GDA: variants seen among roughly 807,000 people sequenced by gnomAD.
The protein encoded by GDA is cytoplasmic PSD-95 interactor.
In GDA, 18 loss-of-function variants were observed where a neutral mutation model predicts 59.6. That is an observed-to-expected ratio of 0.30 (90% CI 0.21 to 0.45). The LOEUF is 0.45. Ranked by LOEUF, GDA falls within the 20% of genes least tolerant of loss-of-function variation. The probability of loss-of-function intolerance (pLI) is 1.00; values close to 1 mark genes in which losing one functional copy is unlikely to be tolerated. For synonymous variants in GDA, 201 were observed against 201.1 expected (o/e 1.00, Z 0.00); for missense variants, 427 against 552.3 (o/e 0.77, Z 2.27).
intron 1 of GDA, among the ~76,000 whole-genome samples, chr9:72,177,896 G>A (rs1830722926): frequency 6.6e-6 from 1 of 152,208 alleles, no homozygotes; most frequent in Admixed American, 6.5e-5. Context: ...TCTGACAGTG[G>A]CAGTGACCAC....
At chr9:72,243,842 C>G (rs945831694) in intron 11 of GDA, among the ~76,000 whole-genome samples, 3 of 152,108 alleles carry the variant, frequency 2.0e-5, no homozygotes, top group Non-Finnish European at 4.4e-5. Flanking sequence ...TCACATGAAA[C>G]TTTATCTTAG....
At position 72,138,399 on chromosome 9, in the gene GDA, G is replaced by A. The variant is rs148772086; in HGVS notation, c.-100+23566G>A. ...ATGATGGTGCTCCTGCTCTCTCAGGGAGCAGAACCGCTCTTAGTTGAAAAT... is the reference window on the plus strand; with the variant it reads ...ATGATGGTGCTCCTGCTCTCTCAGGAAGCAGAACCGCTCTTAGTTGAAAAT... On this transcript the variant is annotated intron_variant, in intron 1 of 13. Transcript: ENST00000545168. Among the ~76,000 whole-genome samples, 679 of 152,302 alleles carry A rather than the reference G, an allele frequency of 4.5e-3. 4 individuals are homozygous for A. Among genetic ancestry groups the A allele is most frequent in the Admixed American group, 7.6e-3 (117 of 15,302 alleles).
intron 3 of GDA, among the ~76,000 whole-genome samples, chr9:72,204,224 A>G (rs1160633770): frequency 1.3e-5 from 2 of 152,236 alleles, no homozygotes; most frequent in African/African-American, 4.8e-5. Context: ...GCTGAGAAGG[A>G]CTAAAGCTAT....
upstream of GDA, among the ~76,000 whole-genome samples, chr9:72,147,192 C>G (rs1826670799): frequency 6.6e-6 from 1 of 152,122 alleles, no homozygotes; most frequent in South Asian, 2.1e-4. Flanking sequence ...AGCATAGAAG[C>G]TGTTTTTTGT....
chr9:72,149,766 G>A lies in GDA; in HGVS notation c.123+84G>A, dbSNP rs183462646. ...TGGCGCGGTGCTTCGCGTAGCCCGG[G>A]GTTCGCTCGGTGCGCAGTGAGCGCC... is the stretch of plus-strand genomic sequence containing the variant. On this transcript the variant is annotated intron_variant, in intron 1 of 13. Transcript: ENST00000358399. 11 of 1,386,438 alleles carry A rather than the reference G, an allele frequency of 7.9e-6. No homozygotes were observed. The African/African-American group carries it at 1.7e-4, about 21-fold the overall frequency. 85.9% of individuals were successfully genotyped at this position (1,386,438 alleles called of 1,614,324 possible).
chr9:72,245,222 G>A lies in GDA; in HGVS notation c.1210G>A (p.Ala404Thr), dbSNP rs751625284. The change falls in exon 12 of 14, where the codon GCA (alanine) becomes ACA (threonine). Residue 404 changes from alanine to threonine, a missense_variant. Transcript: ENST00000358399. ...EFDAILINPK[A>T]SDSPIDLFYG... ...TGATGCCATCCTGATCAACCCCAAA[G>A]CATCCGACTCTCCCATTGACCTGTT... 5 of 1,612,242 alleles carry A rather than the reference G, an allele frequency of 3.1e-6. No individual in the cohort carries two copies. The highest frequency in any genetic ancestry group is 1.7e-5 in the Admixed American group (1 of 60,012).
upstream of GDA, among the ~76,000 whole-genome samples, chr9:72,147,401 T>C (rs940165938): frequency 1.6e-4 from 24 of 152,258 alleles, no homozygotes; most frequent in Non-Finnish European, 1.8e-4. Flanking sequence ...AGAGATGGGG[T>C]TTCACCATGT....
rs1279218324 is a variant in GDA, at chr9:72,165,897, CA to C, written c.123+16229del. Among the ~76,000 whole-genome samples the C allele has an allele frequency of 5.3e-3, 503 of 95,654 alleles. 2 individuals carry two copies. Among genetic ancestry groups the C allele is most frequent in the African/African-American group, 0.015 (381 of 26,136 alleles). The allele number at this position is 95,654 out of a possible 152,430, so 62.8% of individuals were successfully genotyped here. ...TGGGTGACAGAGCAAGACTCTGTCT[CA>C]AAAAAAAAAAAAACAACAAAAAATG... On this transcript the variant is annotated intron_variant, in intron 1 of 13. Coordinates refer to ENST00000358399, the MANE Select transcript of GDA (RefSeq NM_004293.5).
intron 1 of GDA, among the ~76,000 whole-genome samples, chr9:72,154,724 C>T (rs539246029): frequency 1.1e-4 from 16 of 152,258 alleles, no homozygotes; most frequent in Middle Eastern, 3.4e-3. Flanking sequence ...CATTCAGATA[C>T]GGTGGTGGTG....
chr9:72,179,508 G>A (rs909393275), intron 1 of GDA, among the ~76,000 whole-genome samples: 1 of 152,162 alleles, frequency 6.6e-6, no homozygotes. Context: ...TAAATCCAGT[G>A]TGTTTGACCA....
chr9:72,240,563 G>A lies in GDA; in HGVS notation c.989-589G>A, dbSNP rs1839498617. Among the ~76,000 whole-genome samples the A allele has an allele frequency of 2.6e-5, 4 of 152,064 alleles. No individual in the cohort carries two copies. The South Asian group carries it at 8.3e-4, about 31-fold the overall frequency. The stretch of plus-strand genomic sequence containing the variant: ...TAAATGTGACCTCATTTGGAATAAA[G>A]GTCTTTGTAGATATAATTAAGGAAG... On this transcript the variant is annotated intron_variant, in intron 10 of 13. Transcript: ENST00000358399.
intron 1 of GDA, among the ~76,000 whole-genome samples, chr9:72,179,081 T>G (rs967580323): frequency 6.6e-6 from 1 of 152,236 alleles, no homozygotes; most frequent in Non-Finnish European, 1.5e-5. Context: ...CCAGCCATAC[T>G]TCCCTCATCC....
At chr9:72,191,878 A>G (rs1832601988) in intron 1 of GDA, among the ~76,000 whole-genome samples, 2 of 151,948 alleles carry the variant, frequency 1.3e-5, no homozygotes, top group South Asian at 4.2e-4. Context: ...ATGAGCCACC[A>G]TGCCTAGCCA....
chr9:72,185,804 C>G (rs139673897), intron 1 of GDA, among the ~76,000 whole-genome samples: 3,337 of 152,228 alleles, frequency 0.022, 46 homozygotes, highest in Non-Finnish European at 0.032. Flanking sequence ...CATTAGCTGA[C>G]AGCCATTACT....
intron 1 of GDA, among the ~76,000 whole-genome samples, chr9:72,138,571 C>T (rs936160268): frequency 6.6e-6 from 1 of 152,194 alleles, no homozygotes; most frequent in Non-Finnish European, 1.5e-5. Context: ...GCATTAAACG[C>T]TGTTTCCATA....
chr9:72,244,582 G>GT (rs1188147615), intron 11 of GDA, among the ~76,000 whole-genome samples: 11 of 151,988 alleles, frequency 7.2e-5, no homozygotes, highest in African/African-American at 2.2e-4. Flanking sequence ...GAGAAGTGAG[G>GT]TTTTTTTTCC....
chr9:72,247,555 G>A (rs1263297389), intron 13 of GDA, 122 bp downstream of exon 13: 2 of 633,090 alleles, frequency 3.2e-6, no homozygotes, highest in Admixed American at 2.8e-5. Flanking sequence ...AATTTGCTTT[G>A]ATTCATTATT....
intron 1 of GDA, among the ~76,000 whole-genome samples, chr9:72,138,507 G>A (rs912289553): frequency 2.0e-5 from 3 of 152,182 alleles, no homozygotes; most frequent in Non-Finnish European, 4.4e-5. Flanking sequence ...TTCTACTGTT[G>A]CACTTAACAC....
chr9:72,164,330 A>G (rs1413778755), intron 1 of GDA, among the ~76,000 whole-genome samples: 1 of 152,150 alleles, frequency 6.6e-6, no homozygotes, highest in African/African-American at 2.4e-5. Flanking sequence ...ATACTTCAAG[A>G]TGGAGGGAGC....
Sources: gnomAD v4.1 joint callset for allele counts (sites outside exome capture counted in the v4.1 genomes callset) on GRCh38, gnomAD v4.1.1 for gene constraint, MANE v1.5 for transcripts, NCBI Gene and HGNC (gene_info 2026-07-23, HGNC 2026-07-21) for gene names.